The following AKAP19 variants were observed in gnomAD, a reference collection of about 807,000 sequenced individuals.
AKAP19 encodes small A-kinase anchoring protein.
At chr2:190,168,243 G>A in the AKAP19 span, among the ~76,000 whole-genome samples, 1 of 152,182 alleles carries the variant, frequency 6.6e-6, no homozygotes, top group Non-Finnish European at 1.5e-5. Flanking sequence ...GCCCCTTTTA[G>A]TCATGGCTGC....
chr2:190,086,951 C>T, the AKAP19 span, among the ~76,000 whole-genome samples: 4 of 152,240 alleles, frequency 2.6e-5, no homozygotes, highest in Middle Eastern at 3.4e-3. Flanking sequence ...TCAAAGGAAC[C>T]CTTCTAGTGT....
At chr2:189,991,495 T>A in the AKAP19 span, among the ~76,000 whole-genome samples, 1 of 152,224 alleles carries the variant, frequency 6.6e-6, no homozygotes, top group Non-Finnish European at 1.5e-5. Context: ...TGTATATCTC[T>A]TTTGAGAACT....
At chr2:190,035,060 T>C in the AKAP19 span, among the ~76,000 whole-genome samples, 2 of 152,152 alleles carry the variant, frequency 1.3e-5, no homozygotes, top group Admixed American at 1.3e-4. Flanking sequence ...GGCAGGTTTA[T>C]TGAGGTCTCA....
At chr2:190,188,449 G>A in the AKAP19 span, among the ~76,000 whole-genome samples, 9 of 152,194 alleles carry the variant, frequency 5.9e-5, no homozygotes, top group Non-Finnish European at 1.3e-4. Flanking sequence ...TTCAACTGAT[G>A]ACCATAGTCA....
At chr2:189,936,319 C>A in the AKAP19 span, among the ~76,000 whole-genome samples, 1 of 151,692 alleles carries the variant, frequency 6.6e-6, no homozygotes, top group Non-Finnish European at 1.5e-5. Flanking sequence ...ATATGCAGTG[C>A]ATTATTGTTA....
the AKAP19 span, among the ~76,000 whole-genome samples, chr2:189,957,388 G>A: frequency 6.6e-6 from 1 of 152,184 alleles, no homozygotes; most frequent in East Asian, 1.9e-4. Flanking sequence ...TGTGTGCTTT[G>A]CAACCAATCC....
the AKAP19 span, among the ~76,000 whole-genome samples, chr2:190,191,165 TCTCA>T: frequency 6.6e-6 from 1 of 152,002 alleles, no homozygotes; most frequent in Non-Finnish European, 1.5e-5. Flanking sequence ...TGAGATGGAG[TCTCA>T]CTCTGTCACC....
chr2:189,951,250 G>A, the AKAP19 span, among the ~76,000 whole-genome samples: 3 of 140,920 alleles, frequency 2.1e-5, no homozygotes, highest in Non-Finnish European at 4.5e-5. Flanking sequence ...CCCCCAGGCT[G>A]GAGTGCAATG....
At chr2:189,901,499 G>A in the AKAP19 span, among the ~76,000 whole-genome samples, 1 of 151,916 alleles carries the variant, frequency 6.6e-6, no homozygotes, top group Non-Finnish European at 1.5e-5. Context: ...CACCACACCT[G>A]GCTAATTTTT....
chr2:190,034,029 A>G, the AKAP19 span, among the ~76,000 whole-genome samples: 2 of 152,178 alleles, frequency 1.3e-5, no homozygotes, highest in East Asian at 3.9e-4. Context: ...GCACATGTAT[A>G]CATATGTAAC....
the AKAP19 span, among the ~76,000 whole-genome samples, chr2:190,101,463 G>A: frequency 3.1e-3 from 470 of 152,260 alleles, 5 homozygotes; most frequent in African/African-American, 0.011. Flanking sequence ...AGAACTCCAG[G>A]CATTCAGAGC....
the AKAP19 span, among the ~76,000 whole-genome samples, chr2:189,921,230 G>A: frequency 6.6e-6 from 1 of 152,246 alleles, no homozygotes; most frequent in East Asian, 1.9e-4. Flanking sequence ...TTTTAAAGGT[G>A]GTTAGAGGAA....
At chr2:190,104,732 T>C in the AKAP19 span, among the ~76,000 whole-genome samples, 1 of 152,012 alleles carries the variant, frequency 6.6e-6, no homozygotes, top group South Asian at 2.1e-4. Flanking sequence ...TGAGGCTGAG[T>C]GAGCCATGAC....
chr2:190,148,730 T>A, the AKAP19 span, among the ~76,000 whole-genome samples: 5 of 152,346 alleles, frequency 3.3e-5, no homozygotes, highest in South Asian at 8.3e-4. Flanking sequence ...TGATTTAAGC[T>A]AGGAGGATTG....
the AKAP19 span, among the ~76,000 whole-genome samples, chr2:190,126,961 G>T: frequency 6.5e-3 from 992 of 152,138 alleles, 21 homozygotes; most frequent in African/African-American, 0.021. Context: ...CAAGCTTAGT[G>T]GAAGCCAGCT....
At chr2:190,098,591 A>T in the AKAP19 span, among the ~76,000 whole-genome samples, 1 of 152,330 alleles carries the variant, frequency 6.6e-6, no homozygotes, top group African/African-American at 2.4e-5. Context: ...GATTTTCAGA[A>T]TGTCAAATGA....
the AKAP19 span, among the ~76,000 whole-genome samples, chr2:190,146,029 TG>T: frequency 6.6e-6 from 1 of 151,824 alleles, no homozygotes; most frequent in African/African-American, 2.4e-5. Flanking sequence ...CATAAGTTAT[TG>T]GGGTACAGCT....
chr2:190,066,311 CA>C, the AKAP19 span, among the ~76,000 whole-genome samples: 5 of 150,450 alleles, frequency 3.3e-5, no homozygotes, highest in African/African-American at 4.9e-5. Context: ...CAATATTTTC[CA>C]AAAAAAAATT....
At chr2:189,911,913 T>C in the AKAP19 span, among the ~76,000 whole-genome samples, 2 of 152,016 alleles carry the variant, frequency 1.3e-5, no homozygotes, top group Non-Finnish European at 2.9e-5. Flanking sequence ...GTTACCTCAA[T>C]TGTTTCTTTT....
Sources: allele counts gnomAD v4.1 joint callset (sites outside exome capture counted in the v4.1 genomes callset), GRCh38; gene constraint gnomAD v4.1.1; transcripts MANE v1.5; gene names NCBI Gene and HGNC (gene_info 2026-07-23, HGNC 2026-07-21).